The following OXCT1 variants were observed in gnomAD, a reference collection of about 807,000 sequenced individuals.
The protein encoded by OXCT1 is 3-oxoacid CoA-transferase 1, also known as succinyl-CoA:3-ketoacid coenzyme A transferase 1, mitochondrial.
A neutral mutation model predicts 69.6 loss-of-function variants in OXCT1; 27 were observed. The observed-to-expected ratio is 0.39, with a 90% CI of 0.29 to 0.54. The LOEUF (loss-of-function observed/expected upper bound fraction) is 0.54. Among genes scored for constraint, OXCT1 ranks in the 20% least tolerant of loss-of-function variants. The pLI is 0.72. For missense variants in OXCT1, 437 were observed against 650.2 expected (o/e 0.67, Z 3.57); for synonymous variants, 202 against 217.8 (o/e 0.93, Z 0.64).
intron 7 of OXCT1, among the ~76,000 whole-genome samples, chr5:41,833,524 GAA>G (rs70988870): frequency 7.3e-6 from 1 of 137,538 alleles, no homozygotes; most frequent in Non-Finnish European, 1.5e-5. Context: ...TCTTTGATCT[GAA>G]AAAAAAAAAA....
chr5:41,745,761 A>C (rs553804134), intron 15 of OXCT1, among the ~76,000 whole-genome samples: 1 of 152,344 alleles, frequency 6.6e-6, no homozygotes, highest in East Asian at 1.9e-4. Flanking sequence ...ATCAGAGAAT[A>C]CTATAAACAC....
chr5:41,820,363 T>C (rs541791381), intron 7 of OXCT1, among the ~76,000 whole-genome samples: 1 of 152,252 alleles, frequency 6.6e-6, no homozygotes, highest in South Asian at 2.1e-4. Context: ...CGCAATACTT[T>C]CCAAAACCTT....
chr5:41,752,926 T>C (rs1300703845), intron 14 of OXCT1, among the ~76,000 whole-genome samples: 1 of 152,018 alleles, frequency 6.6e-6, no homozygotes, highest in African/African-American at 2.4e-5. Context: ...ATACATAGGG[T>C]AATTCACCAT....
chr5:41,848,422 G>GA (rs1447965870), intron 5 of OXCT1, among the ~76,000 whole-genome samples: 2 of 148,322 alleles, frequency 1.3e-5, no homozygotes, highest in Non-Finnish European at 3.0e-5. Context: ...CACAGAATTG[G>GA]AAAAAAACTA....
intron 11 of OXCT1, among the ~76,000 whole-genome samples, chr5:41,796,361 C>T (rs1313200078): frequency 3.3e-5 from 5 of 152,236 alleles, no homozygotes; most frequent in Admixed American, 1.3e-4. Context: ...TTTGAGAACA[C>T]CCCATGCATG....
chr5:41,767,720 G>GTATATATATATATATATATATA (rs751695010), intron 13 of OXCT1, among the ~76,000 whole-genome samples: 9 of 78,356 alleles, frequency 1.1e-4, no homozygotes, highest in East Asian at 3.9e-4. Context: ...ATATATGTGT[G>GTATATATATATATATATATATA]TGTATATATA....
intron 7 of OXCT1, among the ~76,000 whole-genome samples, chr5:41,825,486 C>T (rs1747760962): frequency 6.6e-6 from 1 of 152,154 alleles, no homozygotes; most frequent in South Asian, 2.1e-4. Flanking sequence ...AAGATATTTT[C>T]ATAATTCTAT....
chr5:41,823,745 T>C (rs75393119), intron 7 of OXCT1, among the ~76,000 whole-genome samples: 1,705 of 152,340 alleles, frequency 0.011, 29 homozygotes, highest in Middle Eastern at 0.034. Context: ...GTAGTTACTA[T>C]ATAGAATCCT....
At position 41,862,760 on chromosome 5, in the gene OXCT1, TA is replaced by T. The variant is rs748715820; in HGVS notation, c.79-11del. On this transcript the variant is annotated splice_polypyrimidine_tract_variant and intron_variant, in intron 1 of 16. Transcript: ENST00000196371. ...AGGAACAAACACATCCCTGAAATATTAAAAAAAAAAAATTGATAATCATTTG... is the reference window on the plus strand; with the variant it reads ...AGGAACAAACACATCCCTGAAATATTAAAAAAAAAAATTGATAATCATTTG... The T allele has an allele frequency of 0.04, 44,387 of 1,111,010 alleles. No homozygotes were observed. Among genetic ancestry groups the T allele is most frequent in the Non-Finnish European group, 0.043 (34,961 of 821,884 alleles). 68.8% of individuals were successfully genotyped at this position (1,111,010 alleles called of 1,614,324 possible). A position where few individuals can be genotyped will look rare whatever the true frequency, so the allele number is the denominator to read the frequency against.
chr5:41,822,468 T>C (rs945687572), intron 7 of OXCT1, among the ~76,000 whole-genome samples: 7 of 152,176 alleles, frequency 4.6e-5, no homozygotes, highest in African/African-American at 1.7e-4. Flanking sequence ...TTAATACAAC[T>C]GCTCCAACTT....
chr5:41,783,204 T>C (rs1303656634), intron 13 of OXCT1, among the ~76,000 whole-genome samples: 3 of 152,224 alleles, frequency 2.0e-5, no homozygotes, highest in African/African-American at 7.2e-5. Flanking sequence ...TGTATGCATT[T>C]ACTATTCTAT....
chr5:41,841,848 A>G (rs1172541623), intron 6 of OXCT1, among the ~76,000 whole-genome samples: 1 of 152,250 alleles, frequency 6.6e-6, no homozygotes, highest in African/African-American at 2.4e-5. Context: ...TTAATATCAC[A>G]TAAGTCCTTC....
intron 7 of OXCT1, among the ~76,000 whole-genome samples, chr5:41,822,454 GA>G (rs1220016869): frequency 1.3e-5 from 2 of 152,106 alleles, no homozygotes; most frequent in Non-Finnish European, 1.5e-5. Context: ...TACTTTGTCT[GA>G]AATTAATACA....
chr5:41,808,736 T>C (rs1185913919), intron 7 of OXCT1, among the ~76,000 whole-genome samples: 1 of 152,078 alleles, frequency 6.6e-6, no homozygotes, highest in African/African-American at 2.4e-5. Flanking sequence ...GAAAACTCTG[T>C]ATGCTCCAGT....
At chr5:41,735,563 G>A (rs1742845150) in intron 16 of OXCT1, among the ~76,000 whole-genome samples, 1 of 152,262 alleles carries the variant, frequency 6.6e-6, no homozygotes, top group East Asian at 1.9e-4. Context: ...TGGTTAAGAT[G>A]GTAAATTTTT....
At position 41,870,228 on chromosome 5, in the gene OXCT1, G is replaced by C; in HGVS notation, c.78+53C>G. The C allele has an allele frequency of 7.1e-7, 1 of 1,399,080 alleles. No homozygotes were observed. 86.7% of individuals were successfully genotyped at this position (1,399,080 alleles called of 1,614,324 possible). ...AGAAGAAAACGCGGGCACCACTCAG[G>C]GTTTGGTCCACGTTCTTCCTGCCCA... On this transcript the variant is annotated intron_variant, in intron 1 of 16. Transcript: ENST00000196371. The surrounding 1 kb of genome is among the most constrained non-coding windows in gnomAD (Gnocchi z 4.2).
intron 3 of OXCT1, among the ~76,000 whole-genome samples, chr5:41,859,548 G>T (rs1749620685): frequency 6.6e-6 from 1 of 152,078 alleles, no homozygotes; most frequent in Non-Finnish European, 1.5e-5. Context: ...AATAAGGGAG[G>T]ACTTCTGTAG....
chr5:41,765,829 T>C (rs191829190), intron 13 of OXCT1, among the ~76,000 whole-genome samples: 318 of 152,222 alleles, frequency 2.1e-3, no homozygotes, highest in Middle Eastern at 0.014. Flanking sequence ...CACTACAAGT[T>C]AAGTGAATAG....
intron 5 of OXCT1, among the ~76,000 whole-genome samples, chr5:41,846,869 T>C (rs1301606629): frequency 6.6e-6 from 1 of 152,220 alleles, no homozygotes; most frequent in African/African-American, 2.4e-5. Flanking sequence ...GATTTGCATT[T>C]CTCTGATGGC....
Sources: gnomAD v4.1 joint callset for allele counts (sites outside exome capture counted in the v4.1 genomes callset) on GRCh38, gnomAD v4.1.1 for gene constraint, Gnocchi (gnomAD v3.1) non-coding constraint, MANE v1.5 for transcripts, NCBI Gene and HGNC (gene_info 2026-07-23, HGNC 2026-07-21) for gene names.